The following FRMD4A variants were observed in gnomAD, a reference collection of about 807,000 sequenced individuals.
FRMD4A encodes FERM domain-containing protein 4A.
A neutral mutation model predicts 129.1 loss-of-function variants in FRMD4A; 29 were observed. The observed-to-expected ratio is 0.22, with a 90% CI of 0.17 to 0.31. The LOEUF (loss-of-function observed/expected upper bound fraction) is 0.31, where lower values mean the gene tolerates loss of function less well. Among genes scored for constraint, FRMD4A ranks in the 10% least tolerant of loss-of-function variants. The probability of loss-of-function intolerance (pLI) is 1.00; values close to 1 mark genes in which losing one functional copy is unlikely to be tolerated. For missense variants in FRMD4A, 1,272 were observed against 1,375.8 expected, an observed-to-expected ratio of 0.92 and a Z score of 1.19; for synonymous variants, 634 against 571.6, an observed-to-expected ratio of 1.11 and a Z score of -1.56.
intron 6 of FRMD4A, among the ~76,000 whole-genome samples, chr10:13,777,791 ATTTTTTTTTTTTT>A (rs34059772): frequency 2.3e-5 from 2 of 85,984 alleles, no homozygotes; most frequent in Admixed American, 1.7e-4. Context: ...CTTTGGGTCA[ATTTTTTTTTTTTT>A]TTTTTTTTTT....
intron 4 of FRMD4A, among the ~76,000 whole-genome samples, chr10:13,802,578 A>G (rs2093277649): frequency 6.6e-6 from 1 of 152,160 alleles, no homozygotes; most frequent in Non-Finnish European, 1.5e-5. Flanking sequence ...CAGCCTCTGG[A>G]ATAGCTGGAA....
chr10:14,039,435 TTGGAACCCCAAA>T (rs1833678571), intron 2 of FRMD4A, among the ~76,000 whole-genome samples: 61 of 150,524 alleles, frequency 4.1e-4, no homozygotes, highest in African/African-American at 1.5e-3. Flanking sequence ...TCTATCTATA[TTGGAACCCCAAA>T]ATCAATCAAT....
At chr10:14,287,912 G>C (rs978131110) in intron 2 of FRMD4A, among the ~76,000 whole-genome samples, 1 of 151,984 alleles carries the variant, frequency 6.6e-6, no homozygotes, top group Non-Finnish European at 1.5e-5. Context: ...TGACAAAACA[G>C]CTCTTATCCA....
intron 2 of FRMD4A, among the ~76,000 whole-genome samples, chr10:14,101,129 C>A (rs1027862156): frequency 6.6e-6 from 1 of 152,180 alleles, no homozygotes; most frequent in African/African-American, 2.4e-5. Context: ...AAGATTCCCC[C>A]ATACTATTTC....
At chr10:14,237,906 C>T (rs1335526166) in intron 2 of FRMD4A, among the ~76,000 whole-genome samples, 1 of 152,188 alleles carries the variant, frequency 6.6e-6, no homozygotes, top group Non-Finnish European at 1.5e-5. Context: ...GCACGCACAG[C>T]CCTGTTTTCT....
intron 2 of FRMD4A, among the ~76,000 whole-genome samples, chr10:14,129,444 G>T (rs1839123944): frequency 1.5e-5 from 2 of 135,254 alleles, no homozygotes; most frequent in Non-Finnish European, 1.6e-5. Flanking sequence ...TAGAAACATT[G>T]ATTTAGAAAC....
rs1042277865 is a variant in FRMD4A, at chr10:13,657,328, G to A, written c.2261C>T (p.Ser754Leu). ...MDDCSSCTSHSSSEHYYPAQM... is the reference protein window; with the variant it reads ...MDDCSSCTSHLSSEHYYPAQM... ...CGCCGGGTAGTAGTGCTCCGAGCTC[G>A]AGTGGCTGGTGCACGACGAGCAGTC... Residue 754 changes from serine to leucine, a missense_variant, in exon 22 of 25, where the codon TCG becomes TTG. Physicochemically the swap from Ser to Leu is moderately radical, Grantham distance 145 (BLOSUM62 -2). Transcript: ENST00000357447. 1 of 1,609,342 alleles carries A rather than the reference G, an allele frequency of 6.2e-7. No homozygotes were observed. The highest frequency in any genetic ancestry group is 8.5e-7 in the Non-Finnish European group (1 of 1,179,068).
At chr10:13,756,286 AT>A (rs2091856974) in intron 8 of FRMD4A, 1 of 152,178 alleles carries the variant, frequency 6.6e-6, no homozygotes, top group Non-Finnish European at 1.5e-5. Context: ...TGATTTTGGC[AT>A]TTGTGATTTG....
chr10:13,680,537 CA>C (rs2084467121), intron 15 of FRMD4A, among the ~76,000 whole-genome samples: 1 of 151,980 alleles, frequency 6.6e-6, no homozygotes, highest in Non-Finnish European at 1.5e-5. Flanking sequence ...CCAGCCTGGC[CA>C]ACATGGCGAA....
chr10:13,951,213 G>A (rs1261401898), intron 2 of FRMD4A, among the ~76,000 whole-genome samples: 1 of 152,162 alleles, frequency 6.6e-6, no homozygotes, highest in Non-Finnish European at 1.5e-5. Flanking sequence ...CTTCGGGGAA[G>A]GAGGGACAGC....
intron 2 of FRMD4A, among the ~76,000 whole-genome samples, chr10:14,173,841 T>C (rs1306021373): frequency 2.0e-5 from 3 of 151,462 alleles, no homozygotes; most frequent in Non-Finnish European, 4.4e-5. Context: ...GCTCTCCCCT[T>C]CCCCTCAGAT....
At chr10:14,295,042 T>C (rs1426697398) in intron 2 of FRMD4A, among the ~76,000 whole-genome samples, 1 of 152,184 alleles carries the variant, frequency 6.6e-6, no homozygotes, top group Non-Finnish European at 1.5e-5. Context: ...AGATTAATTC[T>C]CTCCCTCGTT....
intron 2 of FRMD4A, among the ~76,000 whole-genome samples, chr10:14,129,258 G>A (rs532458338): frequency 2.0e-5 from 3 of 150,642 alleles, no homozygotes; most frequent in Non-Finnish European, 4.4e-5. Context: ...AGGAACCAAG[G>A]CACAGAGACA....
At position 14,275,864 on chromosome 10, in the gene FRMD4A, C is replaced by T. The variant is rs373392562; in HGVS notation, c.45+54194G>A. Among the ~76,000 whole-genome samples, 246 of 152,192 alleles carry T rather than the reference C, an allele frequency of 1.6e-3. 1 individual carries two copies. The highest frequency in any genetic ancestry group is 5.8e-3 in the African/African-American group (239 of 41,510). ...GACTAACCTGGGCAATACAGCAAGA[C>T]CCCATCTCTACAAAAAACACAAAAA... On this transcript the variant is annotated intron_variant, in intron 2 of 24. Transcript: ENST00000357447.
chr10:14,018,913 G>A (rs182882716), intron 2 of FRMD4A, among the ~76,000 whole-genome samples: 1 of 152,242 alleles, frequency 6.6e-6, no homozygotes, highest in Non-Finnish European at 1.5e-5. Context: ...GCCTGTAAAT[G>A]CAGCTCTGGA....
At chr10:13,758,725 C>G (rs2091955393) in intron 8 of FRMD4A, among the ~76,000 whole-genome samples, 1 of 152,194 alleles carries the variant, frequency 6.6e-6, no homozygotes, top group African/African-American at 2.4e-5. Context: ...CCACTCTCCT[C>G]TCCCTTCAGT....
intron 2 of FRMD4A, among the ~76,000 whole-genome samples, chr10:14,250,050 C>T (rs1844381855): frequency 6.6e-6 from 1 of 150,462 alleles, no homozygotes; most frequent in Non-Finnish European, 1.5e-5. Context: ...ACCTCCACCT[C>T]CCGGGTTCAA....
At chr10:13,707,523 A>G (rs2087586518) in intron 12 of FRMD4A, 2 of 1,006,074 alleles carry the variant, frequency 2.0e-6, no homozygotes, top group Non-Finnish European at 2.4e-6. Flanking sequence ...GAGAGGAGCG[A>G]GCGCTCAGGA....
intron 12 of FRMD4A, chr10:13,712,045 T>C (rs2088075202): frequency 1.3e-5 from 2 of 152,272 alleles, no homozygotes; most frequent in African/African-American, 4.8e-5. Context: ...CAAATCTTTT[T>C]CATCCTGCAC....
Sources: allele counts gnomAD v4.1 joint callset (sites outside exome capture counted in the v4.1 genomes callset), GRCh38; gene constraint gnomAD v4.1.1; transcripts MANE v1.5; gene names NCBI Gene and HGNC (gene_info 2026-07-23, HGNC 2026-07-21).